The following RIMKLB variants were observed in gnomAD, a reference collection of about 807,000 sequenced individuals.
The protein encoded by RIMKLB is beta-citrylglutamate synthase B.
RIMKLB carries 7 observed loss-of-function variants against 32.0 expected under a neutral mutation model. The ratio of observed to expected loss-of-function variants is 0.22; its 90% CI spans 0.12 to 0.41. The LOEUF (loss-of-function observed/expected upper bound fraction) is 0.41, where lower values mean the gene tolerates loss of function less well. Among genes scored for constraint, RIMKLB ranks in the 10% least tolerant of loss-of-function variants. RIMKLB has a pLI of 1.00. For missense variants in RIMKLB, 289 were observed against 498.7 expected, an observed-to-expected ratio of 0.58 and a Z score of 4.00; for synonymous variants, 172 against 185.1, an observed-to-expected ratio of 0.93 and a Z score of 0.57.
chr12:8,711,768 A>C (rs1264462763), intron 1 of RIMKLB, among the ~76,000 whole-genome samples: 4 of 150,940 alleles, frequency 2.7e-5, no homozygotes, highest in African/African-American at 9.8e-5. Context: ...TCTTTTGTGG[A>C]GCTTTGCTTT....
intron 2 of RIMKLB, among the ~76,000 whole-genome samples, chr12:8,720,871 GC>G (rs1945379708): frequency 6.6e-6 from 1 of 152,104 alleles, no homozygotes; most frequent in Non-Finnish European, 1.5e-5. Flanking sequence ...TAAGAAGCTT[GC>G]CTATGGCCTT....
chr12:8,743,706 A>T (rs1384422625), intron 2 of RIMKLB, among the ~76,000 whole-genome samples: 2 of 151,846 alleles, frequency 1.3e-5, no homozygotes, highest in Non-Finnish European at 2.9e-5. Context: ...AACAGCAGCA[A>T]CCTTTTAATA....
intron 3 of RIMKLB, among the ~76,000 whole-genome samples, chr12:8,751,052 G>A (rs1053050570): frequency 8.5e-5 from 13 of 152,304 alleles, no homozygotes; most frequent in East Asian, 3.9e-4. Flanking sequence ...ATGTGTGGAC[G>A]CAGTTTCTGT....
chr12:8,679,611 A>T (rs1318923281), upstream of RIMKLB: 6 of 152,706 alleles, frequency 3.9e-5, no homozygotes, highest in African/African-American at 1.4e-4. Context: ...GAACTCAAGC[A>T]GCTTTTTGGA....
At chr12:8,772,355 G>C (rs1372297778) in intron 5 of RIMKLB, among the ~76,000 whole-genome samples, 9 of 152,140 alleles carry the variant, frequency 5.9e-5, no homozygotes, top group Admixed American at 5.9e-4. Flanking sequence ...TTTTTGTGCT[G>C]AACTTGAATC....
At chr12:8,741,960 G>C (rs911033987) in intron 2 of RIMKLB, among the ~76,000 whole-genome samples, 4 of 148,584 alleles carry the variant, frequency 2.7e-5, no homozygotes, top group Non-Finnish European at 4.4e-5. Context: ...TCTTGCTCTT[G>C]TGCAATCTTG....
intron 2 of RIMKLB, among the ~76,000 whole-genome samples, chr12:8,745,102 T>G (rs1947954238): frequency 6.6e-6 from 1 of 151,840 alleles, no homozygotes; most frequent in African/African-American, 2.4e-5. Flanking sequence ...GTGTTTGGTT[T>G]TCTGTCCTTG....
chr12:8,748,079 AT>A (rs1286017630), intron 2 of RIMKLB, among the ~76,000 whole-genome samples: 1 of 152,184 alleles, frequency 6.6e-6, no homozygotes, highest in Non-Finnish European at 1.5e-5. Context: ...TTATATATCT[AT>A]ATATGTTTCT....
rs182559074 is a variant in RIMKLB, at chr12:8,769,546, G to A, written c.698-3775G>A. 3.4e-3 allele frequency among the ~76,000 whole-genome samples: 523 copies of A among 151,944 alleles called. 4 individuals carry two copies. Among genetic ancestry groups the A allele is most frequent in the Non-Finnish European group, 3.5e-3 (240 of 67,926 alleles). ...TAAAATTTCTTCCATCTTATTTTGT[G>A]TTTATTATTTAACTCAAATTGTTCC... On this transcript the variant is annotated intron_variant, in intron 5 of 5. Transcript: ENST00000535829.
At chr12:8,756,726 C>T (rs745445749) in intron 5 of RIMKLB, among the ~76,000 whole-genome samples, 1 of 119,834 alleles carries the variant, frequency 8.3e-6, no homozygotes, top group South Asian at 2.9e-4. Flanking sequence ...GAGTCTTGCT[C>T]TGCCACCCAG....
At chr12:8,708,979 AG>A (rs1944135320) in intron 1 of RIMKLB, among the ~76,000 whole-genome samples, 1 of 152,218 alleles carries the variant, frequency 6.6e-6, no homozygotes, top group South Asian at 2.1e-4. Context: ...GATGCACTGG[AG>A]GAAATAAAGA....
At chr12:8,740,539 T>G (rs1026921570) in intron 2 of RIMKLB, among the ~76,000 whole-genome samples, 5 of 152,238 alleles carry the variant, frequency 3.3e-5, no homozygotes, top group African/African-American at 1.2e-4. Flanking sequence ...ATCATTCTTA[T>G]GCCTTTGCGT....
chr12:8,727,004 A>G (rs749292672), intron 2 of RIMKLB, among the ~76,000 whole-genome samples: 1 of 152,282 alleles, frequency 6.6e-6, no homozygotes, highest in East Asian at 1.9e-4. Flanking sequence ...AGGGTTTGCA[A>G]TATACATTTA....
At chr12:8,720,670 G>T (rs1283550841) in intron 2 of RIMKLB, among the ~76,000 whole-genome samples, 2 of 152,126 alleles carry the variant, frequency 1.3e-5, no homozygotes, top group African/African-American at 2.4e-5. Context: ...CTCCCGAGTA[G>T]CTGGGATTAT....
chr12:8,777,754 T>C (rs774592639), downstream of RIMKLB: 7 of 1,163,916 alleles, frequency 6.0e-6, no homozygotes, highest in African/African-American at 8.1e-5. Context: ...GTATAATGAA[T>C]GGTAAATGCA....
intron 2 of RIMKLB, among the ~76,000 whole-genome samples, chr12:8,719,450 C>A (rs143740846): frequency 6.6e-6 from 1 of 152,086 alleles, no homozygotes; most frequent in South Asian, 2.1e-4. Context: ...CTCACTGCAA[C>A]CTCCACCTCC....
At chr12:8,719,875 CAA>C (rs1181106018) in intron 2 of RIMKLB, among the ~76,000 whole-genome samples, 1 of 152,162 alleles carries the variant, frequency 6.6e-6, no homozygotes, top group Non-Finnish European at 1.5e-5. Context: ...ATGGAAAAGA[CAA>C]AATTGTCAAC....
downstream of RIMKLB, among the ~76,000 whole-genome samples, chr12:8,778,680 TC>T (rs1190199332): frequency 6.6e-6 from 1 of 152,238 alleles, no homozygotes; most frequent in Non-Finnish European, 1.5e-5. Flanking sequence ...TCTTCCTTTC[TC>T]CTATACTTCC....
intron 2 of RIMKLB, among the ~76,000 whole-genome samples, chr12:8,740,607 C>T (rs1028430683): frequency 4.6e-5 from 7 of 152,206 alleles, no homozygotes; most frequent in Admixed American, 3.3e-4. Context: ...CTTTTCTTTC[C>T]TGAATTACTT....
Sources: allele counts gnomAD v4.1 joint callset (sites outside exome capture counted in the v4.1 genomes callset), GRCh38; gene constraint gnomAD v4.1.1; transcripts MANE v1.5; gene names NCBI Gene and HGNC (gene_info 2026-07-23, HGNC 2026-07-21).